The following DMD variants were observed in gnomAD, a reference collection of about 807,000 sequenced individuals.
The protein encoded by DMD is dystrophin.
Under a neutral mutation model 330.1 loss-of-function variants are expected in DMD, and 63 were observed. The observed-to-expected ratio is 0.19, with a 90% CI of 0.16 to 0.24. DMD has a LOEUF of 0.24. Among genes scored for constraint, DMD ranks in the 10% least tolerant of loss-of-function variants. DMD has a pLI of 1.00. For missense variants in DMD, 3,344 were observed against 2,684.1 expected (o/e 1.25, Z -5.43); for synonymous variants, 1,223 against 959.8 (o/e 1.27, Z -5.07).
Position 32,364,682 on chromosome X carries a change from T to A in DMD, c.5054A>T (p.Asp1685Val). The A allele has an allele frequency of 8.3e-7, 1 of 1,209,838 alleles. No individual in the cohort carries two copies. Among genetic ancestry groups the A allele is most frequent in the Non-Finnish European group, 1.1e-6 (1 of 893,875 alleles). Residue 1685 changes from aspartate (D) to valine (V), a missense_variant, in exon 36 of 79, where the codon GAC becomes GTC. By Grantham distance (152) the Asp-to-Val change is radical (BLOSUM62 -3). Transcript: ENST00000357033. ...CTTTGTGATGTGGTCCACATTCTGG[T>A]CAAAAGTTTCCATGTGTTTCTGGTA... Reference protein sequence around the residue: ...LEYQKHMETFDQNVDHITKWI... With the variant: ...LEYQKHMETFVQNVDHITKWI...
chrX:32,044,842 A>T (rs980775241), intron 44 of DMD, among the ~76,000 whole-genome samples: 5 of 112,360 alleles, frequency 4.4e-5, no homozygotes, highest in African/African-American at 1.6e-4. Context: ...ATAAAGAAAA[A>T]TATAAGTATT....
chrX:32,699,006 A>C (rs921152994), intron 8 of DMD, 106 bp downstream of exon 8: 2 of 684,080 alleles, frequency 2.9e-6, no homozygotes, highest in African/African-American at 4.4e-5. Context: ...TTGTATATAT[A>C]CACGTGTATA....
rs1289597740 is a variant in DMD at position 33,188,234 on chromosome X, A to G, written c.31+23048T>C. On this transcript the variant is annotated intron_variant, in intron 1 of 78. Coordinates refer to ENST00000357033, the MANE Select transcript of DMD (RefSeq NM_004006.3). ...ACCAAATACCAGTTTTCCTTTAACCATCTCTCTCTCTCTCTCTCTCTCTGT... is the reference window on the plus strand; with the variant it reads ...ACCAAATACCAGTTTTCCTTTAACCGTCTCTCTCTCTCTCTCTCTCTCTGT... 9.6e-5 allele frequency among the ~76,000 whole-genome samples: 10 copies of G among 104,503 alleles called. No homozygotes were observed. The Admixed American group carries it at 1.0e-3, about 11-fold the overall frequency. The allele number at this position is 104,503 out of a possible 115,157, so 90.7% of individuals were successfully genotyped here.
intron 43 of DMD, among the ~76,000 whole-genome samples, chrX:32,217,878 G>C (rs964499235): frequency 3.6e-5 from 4 of 112,001 alleles, no homozygotes; most frequent in Non-Finnish European, 7.5e-5. Flanking sequence ...TAAGATGACA[G>C]ATATAATTCA....
intron 44 of DMD, among the ~76,000 whole-genome samples, chrX:32,107,355 T>C (rs1169391065): frequency 5.0e-5 from 5 of 99,690 alleles, no homozygotes; most frequent in Admixed American, 4.2e-4. Flanking sequence ...TGTGTGTGTG[T>C]GTGTGTGTGT....
rs2097712375 is a variant in DMD at position 32,336,040 on chromosome X, ACG to A, written c.5922+6058_5922+6059del. ...ACGTGTATATATAACGTTATATATA[ACG>A]TGTATATATAACGTTATATATAACG... On this transcript the variant is annotated intron_variant, in intron 41 of 78. Transcript: ENST00000357033. Among the ~76,000 whole-genome samples, 4 of 102,869 alleles carry A rather than the reference ACG, an allele frequency of 3.9e-5. No individual in the cohort carries two copies. The South Asian group carries it at 1.8e-3, about 46-fold the overall frequency. The allele number at this position is 102,869 out of a possible 115,157, so 89.3% of individuals were successfully genotyped here. A position where few individuals can be genotyped will look rare whatever the true frequency, so the allele number is the denominator to read the frequency against.
rs367939243 is a variant in DMD, at chrX:31,983,675, T to C, written c.6439-15161A>G. Reference sequence around the variant, plus strand: ...TTAAAACAAGGAAAGGCAGTTACCATACAGAAATGTTGATTTTGTCAGACA... The same window carrying C: ...TTAAAACAAGGAAAGGCAGTTACCACACAGAAATGTTGATTTTGTCAGACA... On this transcript the variant is annotated intron_variant, in intron 44 of 78. Transcript: ENST00000357033. Among the ~76,000 whole-genome samples the C allele has an allele frequency of 8.0e-5, 9 of 111,951 alleles. No homozygotes were observed. In the East Asian group the frequency reaches 2.0e-3, roughly 24 times the overall value.
chrX:31,257,097 C>T (rs1430663348), intron 63 of DMD, among the ~76,000 whole-genome samples: 1 of 107,868 alleles, frequency 9.3e-6, no homozygotes, highest in Non-Finnish European at 1.9e-5. Context: ...AGGGGAACAC[C>T]TGAATGCTTT....
chrX:31,505,028 TCTC>T (rs1282683851), intron 56 of DMD, among the ~76,000 whole-genome samples: 3 of 111,958 alleles, frequency 2.7e-5, no homozygotes, highest in Admixed American at 9.5e-5. Context: ...CACTTTCAAT[TCTC>T]CTTTTATTTT....
At chrX:32,486,608 A>C (rs922422282) in intron 20 of DMD, among the ~76,000 whole-genome samples, 1 of 109,833 alleles carries the variant, frequency 9.1e-6, no homozygotes, top group Non-Finnish European at 1.9e-5. Context: ...CTATACTACA[A>C]GGCTACAGTA....
At chrX:33,169,637 A>G (rs763880651) in intron 1 of DMD, among the ~76,000 whole-genome samples, 6 of 111,875 alleles carry the variant, frequency 5.4e-5, no homozygotes, top group African/African-American at 1.9e-4. Context: ...CCAATTACTG[A>G]CATAGGTGCT....
chrX:32,125,160 A>G (rs990432160), intron 44 of DMD, among the ~76,000 whole-genome samples: 2 of 110,913 alleles, frequency 1.8e-5, no homozygotes, highest in Non-Finnish European at 3.8e-5. Context: ...TAAATATCAC[A>G]CTATCTGTAG....
At chrX:31,630,778 G>C (rs1263199466) in intron 54 of DMD, among the ~76,000 whole-genome samples, 2 of 111,177 alleles carry the variant, frequency 1.8e-5, no homozygotes. Flanking sequence ...ACAGGCCCTG[G>C]AGAAAATTTG....
chrX:32,507,304 G>A (rs1160580216), intron 18 of DMD, among the ~76,000 whole-genome samples: 1 of 111,304 alleles, frequency 9.0e-6, no homozygotes, highest in Non-Finnish European at 1.9e-5. Flanking sequence ...CCTATCAGAG[G>A]GGTTTCTATT....
intron 44 of DMD, among the ~76,000 whole-genome samples, chrX:32,072,618 G>A (rs903089389): frequency 2.7e-5 from 3 of 111,475 alleles, no homozygotes; most frequent in African/African-American, 9.8e-5. Context: ...AATCTGGGAT[G>A]TGGTAACAAA....
intron 61 of DMD, among the ~76,000 whole-genome samples, chrX:31,326,844 C>G (rs57729619): frequency 1.8e-5 from 2 of 111,797 alleles, no homozygotes; most frequent in Non-Finnish European, 3.8e-5. Flanking sequence ...GCAGTGCTCA[C>G]AAGTGTGCCA....
chrX:32,116,611 T>C (rs750480033), intron 44 of DMD, among the ~76,000 whole-genome samples: 2 of 112,120 alleles, frequency 1.8e-5, no homozygotes, highest in South Asian at 3.7e-4. Flanking sequence ...GAAGGGGCTT[T>C]TTCTGTACTC....
chrX:32,836,650 A>G (rs972612979), intron 4 of DMD, among the ~76,000 whole-genome samples: 1 of 111,682 alleles, frequency 9.0e-6, no homozygotes, highest in African/African-American at 3.3e-5. Context: ...CAAAAATTCA[A>G]ACTCTCAGTA....
rs1345865957 is a variant in DMD at position 31,551,898 on chromosome X, G to T, written c.8218-44445C>A. Among the ~76,000 whole-genome samples, 3 of 111,582 alleles carry T rather than the reference G, an allele frequency of 2.7e-5. No individual in the cohort carries two copies. The East Asian group carries it at 8.4e-4, about 31-fold the overall frequency. On this transcript the variant is annotated intron_variant, in intron 55 of 78. Transcript: ENST00000357033. The stretch of plus-strand genomic sequence containing the variant: ...AGAACAGAGAAGAAATTTCCCTAAA[G>T]ACAAGTACCAAAAATGTTAATGTAA...
Sources: gnomAD v4.1 joint callset for allele counts (sites outside exome capture counted in the v4.1 genomes callset) on GRCh38, gnomAD v4.1.1 for gene constraint, MANE v1.5 for transcripts, NCBI Gene and HGNC (gene_info 2026-07-23, HGNC 2026-07-21) for gene names.